Variants in EPHA6 observed in about 807,000 individuals in gnomAD.
EPHA6 encodes EPH receptor A6.
EPHA6 carries 50 observed loss-of-function variants against 112.0 expected under a neutral mutation model. That is an observed-to-expected ratio of 0.45 (90% confidence interval 0.36 to 0.56). The LOEUF is 0.56. Among genes scored for constraint, EPHA6 ranks in the 20% least tolerant of loss-of-function variants. The pLI, the probability that EPHA6 is intolerant of heterozygous loss-of-function variation, is 0.00. For synonymous variants in EPHA6, 529 were observed against 490.7 expected, an observed-to-expected ratio of 1.08 and a Z score of -1.03; for missense variants, 1,280 against 1,417.4, an observed-to-expected ratio of 0.90 and a Z score of 1.56.
intron 3 of EPHA6, among the ~76,000 whole-genome samples, chr3:97,223,414 G>A (rs2078261093): frequency 6.6e-6 from 1 of 152,188 alleles, no homozygotes; most frequent in Non-Finnish European, 1.5e-5. Flanking sequence ...GTTAAAGCAT[G>A]CAGATAGCTG....
Position 97,172,423 on chromosome 3 carries a change from CT to C in EPHA6, c.1115-53839del, listed in dbSNP as rs979191885. Among the ~76,000 whole-genome samples the C allele has an allele frequency of 8.2e-4, 125 of 152,072 alleles. 1 individual carries two copies. The highest frequency in any genetic ancestry group is 2.9e-3 in the African/African-American group (122 of 41,546). On this transcript the variant is annotated intron_variant, in intron 3 of 17. Coordinates refer to ENST00000389672, the MANE Select transcript of EPHA6 (RefSeq NM_001080448.3). ...ATCCAGAATGCTAAAACTCTCATCC[CT>C]TGCAACTATTTCAGGAATAGATAGT...
chr3:97,085,017 A>T (rs1310203657), intron 3 of EPHA6, among the ~76,000 whole-genome samples: 6 of 152,174 alleles, frequency 3.9e-5, no homozygotes, highest in Non-Finnish European at 7.4e-5. Flanking sequence ...CTTCAAAATT[A>T]TATGAATAGT....
At chr3:97,568,411 A>G (rs1013288307) in intron 11 of EPHA6, among the ~76,000 whole-genome samples, 1 of 152,122 alleles carries the variant, frequency 6.6e-6, no homozygotes, top group African/African-American at 2.4e-5. Flanking sequence ...TTCCCCACAG[A>G]TTGATGGAAC....
At chr3:97,050,412 G>T (rs1000093139) in intron 3 of EPHA6, among the ~76,000 whole-genome samples, 1 of 152,202 alleles carries the variant, frequency 6.6e-6, no homozygotes, top group Non-Finnish European at 1.5e-5. Context: ...TGTGACTCGG[G>T]CTGGGATGTG....
At chr3:97,616,852 C>T (rs976305667) in intron 13 of EPHA6, among the ~76,000 whole-genome samples, 1 of 152,066 alleles carries the variant, frequency 6.6e-6, no homozygotes, top group African/African-American at 2.4e-5. Context: ...ATGTAGAAAA[C>T]ATATTTCAGA....
intron 5 of EPHA6, among the ~76,000 whole-genome samples, chr3:97,296,608 C>T (rs936729633): frequency 6.6e-6 from 1 of 152,114 alleles, no homozygotes; most frequent in Non-Finnish European, 1.5e-5. Context: ...GGAGTGCACA[C>T]TTTTATTCCC....
chr3:97,723,086 A>T (rs1385317133), intron 15 of EPHA6, among the ~76,000 whole-genome samples: 1 of 152,216 alleles, frequency 6.6e-6, no homozygotes, highest in Admixed American at 6.5e-5. Flanking sequence ...TTTTCTCAGC[A>T]AATGGAATAA....
intron 2 of EPHA6, among the ~76,000 whole-genome samples, chr3:96,905,040 A>AT (rs1433866723): frequency 4.6e-5 from 7 of 152,226 alleles, no homozygotes; most frequent in African/African-American, 1.4e-4. Context: ...GGTATTAACT[A>AT]TTTATGAGAG....
At chr3:97,008,832 T>C (rs1456570516) in intron 3 of EPHA6, among the ~76,000 whole-genome samples, 2 of 152,064 alleles carry the variant, frequency 1.3e-5, no homozygotes, top group Non-Finnish European at 2.9e-5. Flanking sequence ...ATGATGATGC[T>C]GTTGTTGTCC....
intron 3 of EPHA6, among the ~76,000 whole-genome samples, chr3:97,023,888 A>G (rs2044547967): frequency 6.6e-6 from 1 of 152,188 alleles, no homozygotes; most frequent in South Asian, 2.1e-4. Flanking sequence ...ATTGATTTTT[A>G]TGCATTTTAA....
At chr3:97,365,609 C>A (rs1215213202) in intron 5 of EPHA6, among the ~76,000 whole-genome samples, 1 of 152,030 alleles carries the variant, frequency 6.6e-6, no homozygotes, top group African/African-American at 2.4e-5. Context: ...AGGATGGTCT[C>A]GATCTCCTGA....
chr3:97,665,160 T>C (rs1226251291), intron 14 of EPHA6, among the ~76,000 whole-genome samples: 1 of 152,022 alleles, frequency 6.6e-6, no homozygotes, highest in Non-Finnish European at 1.5e-5. Context: ...TCAGAAATAA[T>C]ACCACACATC....
At chr3:97,000,286 C>T (rs1277973683) in intron 3 of EPHA6, among the ~76,000 whole-genome samples, 22 of 101,096 alleles carry the variant, frequency 2.2e-4, no homozygotes, top group African/African-American at 1.0e-3. Context: ...CACACACACA[C>T]ACACACATAT....
intron 12 of EPHA6, among the ~76,000 whole-genome samples, chr3:97,595,637 C>G (rs969445038): frequency 6.7e-6 from 1 of 149,418 alleles, no homozygotes; most frequent in African/African-American, 2.5e-5. Context: ...AAAAGCGAAA[C>G]TTCATCTCAA....
chr3:97,185,558 A>C (rs1167509878), intron 3 of EPHA6, among the ~76,000 whole-genome samples: 2 of 152,076 alleles, frequency 1.3e-5, no homozygotes, highest in East Asian at 1.9e-4. Context: ...AAAAGTCAGG[A>C]AACAACAGGT....
At chr3:97,582,831 T>C (rs562198646) in intron 11 of EPHA6, among the ~76,000 whole-genome samples, 1 of 152,184 alleles carries the variant, frequency 6.6e-6, no homozygotes, top group Non-Finnish European at 1.5e-5. Flanking sequence ...ATGTTTGATA[T>C]GTATTAAAAC....
At chr3:97,231,250 T>A (rs1439061524) in intron 4 of EPHA6, among the ~76,000 whole-genome samples, 1 of 152,156 alleles carries the variant, frequency 6.6e-6, no homozygotes, top group Non-Finnish European at 1.5e-5. Flanking sequence ...GTTTTCCTAG[T>A]CCAGACCCAG....
rs533560018 is a variant in EPHA6, at chr3:96,961,195, A to G, written c.451-26135A>G. 3.9e-5 allele frequency among the ~76,000 whole-genome samples: 6 copies of G among 152,376 alleles called. No individual in the cohort carries two copies. The South Asian group carries it at 1.2e-3, about 32-fold the overall frequency. The stretch of plus-strand genomic sequence containing the variant: ...AGGCAAAGGGAGGCTACTGTCCTTT[A>G]GCAAGAGTGATTGAGCCACTTTTGT... On this transcript the variant is annotated intron_variant, in intron 2 of 17. Coordinates refer to ENST00000389672, the MANE Select transcript of EPHA6 (RefSeq NM_001080448.3).
chr3:96,959,304 T>C (rs2107745941), intron 2 of EPHA6, among the ~76,000 whole-genome samples: 1 of 152,342 alleles, frequency 6.6e-6, no homozygotes, highest in South Asian at 2.1e-4. Flanking sequence ...TTTGTCTATT[T>C]TCTTTAGAGA....
Sources: gnomAD v4.1 joint callset for allele counts (sites outside exome capture counted in the v4.1 genomes callset) on GRCh38, gnomAD v4.1.1 for gene constraint, MANE v1.5 for transcripts, NCBI Gene and HGNC (gene_info 2026-07-23, HGNC 2026-07-21) for gene names.